Variants in PRSS36 observed in about 807,000 individuals in gnomAD.
PRSS36 encodes the protein serine protease 36, also known as polyserase-2.
PRSS36 carries 90 observed loss-of-function variants against 94.3 expected under a neutral mutation model. The observed-to-expected ratio is 0.95, with a 90% CI of 0.80 to 1.14. The LOEUF is 1.14. Ranked by LOEUF, PRSS36 falls within the 50% of genes most tolerant of loss-of-function variation. The probability of loss-of-function intolerance (pLI) is 0.00; values close to 1 mark genes in which losing one functional copy is unlikely to be tolerated. For synonymous variants in PRSS36, 500 were observed against 489.6 expected (o/e 1.02, Z -0.28); for missense variants, 1,158 against 1,135.0 (o/e 1.02, Z -0.29).
At chr16:31,139,469 C>T in intron 14 of PRSS36, 53 bp from the exon 15 acceptor site, 2 of 1,572,506 alleles carry the variant, frequency 1.3e-6, no homozygotes, top group African/African-American at 1.3e-5. Context: ...TCTTGGTCCC[C>T]TCCCCCTTTC....
chr16:31,141,943 G>T lies in PRSS36; in HGVS notation c.1539C>A (p.Ser513Arg). The T allele has an allele frequency of 3.7e-6, 6 of 1,614,066 alleles. No homozygotes were observed. The highest frequency in any genetic ancestry group is 5.1e-6 in the Non-Finnish European group (6 of 1,179,990). Residue 513 changes from serine (S) to arginine (R), a missense_variant, in exon 11 of 15, where the codon AGC (serine) becomes AGA (arginine). By Grantham distance (110) the Ser-to-Arg change is moderately radical. Transcript: ENST00000268281. ...AGGTCCCCTCCTCCTGGCACAAAAG[G>T]CTCCAACGCGAGTCATTCTGCAGCA... is the stretch of plus-strand genomic sequence containing the variant. Reference protein sequence around the residue: ...VGSCWNDSRWSLLCQEEGTWF... With the variant: ...VGSCWNDSRWRLLCQEEGTWF...
chr16:31,148,387 C>T lies in PRSS36; in HGVS notation c.553+8G>A. On this transcript the variant is annotated splice_region_variant and intron_variant, in intron 5 of 14. Coordinates refer to ENST00000268281, the MANE Select transcript of PRSS36 (RefSeq NM_173502.5). ...CGAGGCCCTCCCCTCTTGTCCCGTC[C>T]CACTCACCTGCCTCCTGGACGTCTC... 1 of 1,557,192 alleles carries T rather than the reference C, an allele frequency of 6.4e-7. No individual in the cohort carries two copies. The highest frequency in any genetic ancestry group is 8.6e-7 in the Non-Finnish European group (1 of 1,161,258).
At position 31,143,466 on chromosome 16, in the gene PRSS36, C is replaced by T. The variant is rs755754465; in HGVS notation, c.976G>A (p.Gly326Arg). The change falls in exon 8 of 15, where the codon GGG (glycine) becomes AGG (arginine). Residue 326 changes from glycine (G) to arginine (R), a missense_variant. By Grantham distance (125) the Gly-to-Arg change is moderately radical. Coordinates refer to ENST00000268281, the MANE Select transcript of PRSS36 (RefSeq NM_173502.5). ...ENCTIALPECGKAPRPGAWPW... is the reference protein window; with the variant it reads ...ENCTIALPECRKAPRPGAWPW... ...CAGGCCCCTGGCCGCGGGGCCTTCC[C>T]GCACTCTGAGGGGTGAGAGGCCTGG... is the stretch of plus-strand genomic sequence containing the variant. The T allele has an allele frequency of 3.9e-5, 63 of 1,608,266 alleles. No homozygotes were observed. The East Asian group carries it at 8.3e-4, about 21-fold the overall frequency.
Position 31,139,263 on chromosome 16 carries a change from G to A in PRSS36, c.2443C>T (p.Pro815Ser), listed in dbSNP as rs745399517. The A allele has an allele frequency of 1.4e-5, 23 of 1,614,044 alleles. No homozygotes were observed. The highest frequency in any genetic ancestry group is 1.8e-5 in the Non-Finnish European group (21 of 1,180,030). The part of the protein sequence containing the change: ...QTVGEANFLP[P>S]SGSPHWPTGG... ...GTGGGCCAGTGTGGGGAGCCACTGG[G>A]GGGCAGGAAGTTGGCCTCTCCCACT... The change falls in exon 15 of 15, where the codon CCC becomes TCC. Residue 815 changes from proline (P) to serine (S), a missense_variant. By Grantham distance (74) the Pro-to-Ser change is moderately conservative (BLOSUM62 -1). Transcript: ENST00000268281.
chr16:31,148,722 G>A (rs747242176), intron 4 of PRSS36, 47 bp from the exon 5 acceptor site: 3 of 1,603,426 alleles, frequency 1.9e-6, no homozygotes, highest in South Asian at 2.2e-5. Flanking sequence ...CCTATGGAGG[G>A]GGCAGACCCT....
At position 31,149,105 on chromosome 16, in the gene PRSS36, G is replaced by T. The variant is rs146201973; in HGVS notation, c.240C>A (p.Ser80=). 2.2e-5 allele frequency: 35 copies of T among 1,591,758 alleles called. No individual in the cohort carries two copies. The Middle Eastern group carries it at 1.0e-3, about 46-fold the overall frequency. The change falls in exon 4 of 15, where the codon TCC becomes TCA. Residue 80 remains serine (S), a synonymous_variant. Transcript: ENST00000268281. ...AACAGTGAGCAGCGGAGAGGACCCA[G>T]GAGGGGGCGATGAGGGAGCCCCCGC... ...HICGGSLIAP[S]WVLSAAHCFM... is the part of the protein sequence containing the mutation.
Position 31,142,756 on chromosome 16 carries a change from C to A in PRSS36, c.1338G>T (p.Leu446=). The stretch of plus-strand genomic sequence containing the variant: ...GCTCACCCCCGCGGCCCCAGCGGGC[C>A]AGGCGGCAGCGGCTCCCGGGCAGGA... The part of the protein sequence containing the change: ...HYFLPGSRCR[L]ARWGRGEPAL... Residue 446 remains leucine, a synonymous_variant, in exon 9 of 15, where the codon CTG becomes CTT. Coordinates refer to ENST00000268281, the MANE Select transcript of PRSS36 (RefSeq NM_173502.5). 1 of 1,399,806 alleles carries A rather than the reference C, an allele frequency of 7.1e-7. No homozygotes were observed. The allele number at this position is 1,399,806 out of a possible 1,614,324, so 86.7% of individuals were successfully genotyped here.
At chr16:31,149,667 G>T in intron 2 of PRSS36, 29 bp downstream of exon 2, 1 of 1,614,042 alleles carries the variant, frequency 6.2e-7, no homozygotes, top group South Asian at 1.1e-5. Context: ...GCCTCTGCAC[G>T]TGACTTTCCC....
chr16:31,149,011 C>T, intron 4 of PRSS36, 62 bp downstream of exon 4: 1 of 1,463,686 alleles, frequency 6.8e-7, no homozygotes, highest in Non-Finnish European at 9.2e-7. Context: ...AGGAGGGGAC[C>T]AACTGCGGGG....
At chr16:31,145,697 T>C (rs2057788815) in intron 6 of PRSS36, 92 bp downstream of exon 6, 3 of 1,297,546 alleles carry the variant, frequency 2.3e-6, no homozygotes, top group Non-Finnish European at 3.1e-6. Flanking sequence ...TTGCCCTCCT[T>C]TTGCAGATGA....
In PRSS36 at chr16:31,149,246, G is replaced by T. The variant is rs913417314; in HGVS notation, c.110-11C>A. ...CAGGGCGCCCGCAGTCTGCAACGGG[G>T]AGCCGTGGAAGCCAAAGCTCCCCTC... On this transcript the variant is annotated splice_polypyrimidine_tract_variant and intron_variant, in intron 3 of 14. Transcript: ENST00000268281. 5.2e-6 allele frequency: 8 copies of T among 1,545,158 alleles called. No individual in the cohort carries two copies. The highest frequency in any genetic ancestry group is 5.2e-6 in the Non-Finnish European group (6 of 1,144,364).
At chr16:31,140,827 G>A (rs2057675159) in intron 12 of PRSS36, 70 bp from the exon 13 acceptor site, 6 of 1,551,164 alleles carry the variant, frequency 3.9e-6, no homozygotes, top group Non-Finnish European at 5.3e-6. Context: ...CAGCCCAGGG[G>A]AAGGATGACT....
rs2057646548 is a variant in PRSS36, at chr16:31,139,435, G to A, written c.2290-19C>T. ...AGGTCATCTGCAGAGTTGGAGCGAGGCCACGTGGGTCTGCTGCCCTTCCTC... is the reference window on the plus strand; with the variant it reads ...AGGTCATCTGCAGAGTTGGAGCGAGACCACGTGGGTCTGCTGCCCTTCCTC... On this transcript the variant is annotated intron_variant, in intron 14 of 14. Coordinates refer to ENST00000268281, the MANE Select transcript of PRSS36 (RefSeq NM_173502.5). 6.2e-7 allele frequency: 1 copy of A among 1,604,906 alleles called. No homozygotes were observed. The highest frequency in any genetic ancestry group is 8.5e-7 in the Non-Finnish European group (1 of 1,173,958).
At chr16:31,140,030 A>T (rs1465858203) in intron 14 of PRSS36, among the ~76,000 whole-genome samples, 1 of 151,006 alleles carries the variant, frequency 6.6e-6, no homozygotes, top group African/African-American at 2.4e-5. Context: ...TCTCTACTAA[A>T]AATACAAAAA....
chr16:31,145,237 G>A (rs768147121), intron 6 of PRSS36, among the ~76,000 whole-genome samples: 7 of 151,500 alleles, frequency 4.6e-5, no homozygotes, highest in Admixed American at 6.6e-5. Flanking sequence ...GCTGGGCGTC[G>A]TGGCGGGCAT....
chr16:31,140,836 CT>C, intron 12 of PRSS36, 79 bp from the exon 13 acceptor site: 2 of 1,503,536 alleles, frequency 1.3e-6, no homozygotes, highest in Non-Finnish European at 1.8e-6. Flanking sequence ...GGAAGGATGA[CT>C]CTCTGGGGTC....
rs780865569 is a variant in PRSS36, at chr16:31,148,676, C to A, written c.273-1G>T. Reference sequence around the variant, plus strand: ...GGCCGCGGGCTCCAGCGTCCCATTCCTGCGCTCGACCGGGGCAGTAGGAGG... The same window carrying A: ...GGCCGCGGGCTCCAGCGTCCCATTCATGCGCTCGACCGGGGCAGTAGGAGG... On this transcript the variant is annotated splice_acceptor_variant, in intron 4 of 14. Coordinates refer to ENST00000268281, the MANE Select transcript of PRSS36 (RefSeq NM_173502.5). LOFTEE classifies it high-confidence loss of function. 1.1e-5 allele frequency: 17 copies of A among 1,612,210 alleles called. No homozygotes were observed. The highest frequency in any genetic ancestry group is 1.3e-5 in the Non-Finnish European group (15 of 1,179,654).
At position 31,139,065 on chromosome 16, in the gene PRSS36, G is replaced by A; in HGVS notation, c.*73C>T. The A allele has an allele frequency of 6.7e-7, 1 of 1,483,506 alleles. No homozygotes were observed. Among genetic ancestry groups the A allele is most frequent in the Non-Finnish European group, 9.0e-7 (1 of 1,108,538 alleles). The allele number at this position is 1,483,506 out of a possible 1,614,324, so 91.9% of individuals were successfully genotyped here. On this transcript the variant is annotated 3_prime_UTR_variant, in exon 15 of 15. Coordinates refer to ENST00000268281, the MANE Select transcript of PRSS36 (RefSeq NM_173502.5). ...GGGCCCTTGAGGTTCCAGCCGGCTG[G>A]GCCACATTCCAGCCCCACTGGGCGG... is the stretch of plus-strand genomic sequence containing the variant.
At chr16:31,149,034 T>G (rs761605272) in intron 4 of PRSS36, 39 bp downstream of exon 4, 2 of 1,538,038 alleles carry the variant, frequency 1.3e-6, no homozygotes, top group East Asian at 4.6e-5. Flanking sequence ...GGGGGCCAGC[T>G]TTTGGCGGAG....
Sources: gnomAD v4.1 joint callset for allele counts (sites outside exome capture counted in the v4.1 genomes callset) on GRCh38, gnomAD v4.1.1 for gene constraint, MANE v1.5 for transcripts, NCBI Gene and HGNC (gene_info 2026-07-23, HGNC 2026-07-21) for gene names.